The following DSG4 variants were observed in gnomAD, a reference collection of about 807,000 sequenced individuals.
The protein encoded by DSG4 is desmoglein-4.
Under a neutral mutation model 93.1 loss-of-function variants are expected in DSG4, and 87 were observed. The ratio of observed to expected loss-of-function variants is 0.93; its 90% CI spans 0.79 to 1.12. The LOEUF is 1.12. Among genes scored for constraint, DSG4 ranks in the 50% most tolerant of loss-of-function variants. The pLI, the probability that DSG4 is intolerant of heterozygous loss-of-function variation, is 0.00. For synonymous variants in DSG4, 432 were observed against 452.9 expected, an observed-to-expected ratio of 0.95 and a Z score of 0.59; for missense variants, 1,373 against 1,285.7, an observed-to-expected ratio of 1.07 and a Z score of -1.04.
chr18:31,385,306 C>A, intron 2 of DSG4, 135 bp downstream of exon 2: 1 of 647,988 alleles, frequency 1.5e-6, no homozygotes, highest in Non-Finnish European at 2.6e-6. Context: ...AACTAGTGAA[C>A]TGAAATAGCG....
intron 1 of DSG4, among the ~76,000 whole-genome samples, chr18:31,380,326 T>C (rs751588320): frequency 2.0e-5 from 3 of 152,216 alleles, no homozygotes; most frequent in Non-Finnish European, 2.9e-5. Context: ...AGTCTGACTC[T>C]TTTCTAGTTC....
In DSG4 at chr18:31,413,189, T is replaced by C. The variant is rs768068098; in HGVS notation, c.2717T>C (p.Ile906Thr). 11 of 1,614,038 alleles carry C rather than the reference T, an allele frequency of 6.8e-6. No homozygotes were observed. In the African/African-American group the frequency reaches 1.5e-4, roughly 22 times the overall value. The part of the protein sequence containing the change: ...ASEPVVHGDI[I>T]VTETYGNADP... ...GAACCCGTGGTCCATGGGGATATTA[T>C]TGTGACTGAGACTTACGGTAATGCT... Residue 906 changes from isoleucine to threonine, a missense_variant, in exon 16 of 16, where the codon ATT (isoleucine) becomes ACT (threonine). By Grantham distance (89) the Ile-to-Thr change is moderately conservative. Transcript: ENST00000308128.
rs752639191 is a variant in DSG4, at chr18:31,411,362, A to G, written c.2269A>G (p.Arg757Gly). Residue 757 changes from arginine (R) to glycine (G), a missense_variant, in exon 15 of 16, where the codon AGG (arginine) becomes GGG (glycine). Arg to Gly is a moderately radical substitution (Grantham distance 125). Transcript: ENST00000308128. ...AGAAGASGAA[R>G]KRSSTMGTLR... The stretch of plus-strand genomic sequence containing the variant: ...GGCCGCAGGAGCCTCAGGGGCCGCA[A>G]GGAAGAGGAGCTCTACCATGGGAAC... 4 of 1,614,170 alleles carry G rather than the reference A, an allele frequency of 2.5e-6. 1 individual carries two copies. The South Asian group carries it at 4.4e-5, about 18-fold the overall frequency.
intron 10 of DSG4, 39 bp from the exon 11 acceptor site, chr18:31,403,377 C>T (rs777856828): frequency 1.3e-6 from 2 of 1,533,788 alleles, no homozygotes. Flanking sequence ...TTCTCCCTAA[C>T]ACCATTTACC....
At chr18:31,388,040 A>C (rs1419252930) in intron 3 of DSG4, among the ~76,000 whole-genome samples, 1 of 152,142 alleles carries the variant, frequency 6.6e-6, no homozygotes, top group Non-Finnish European at 1.5e-5. Context: ...AAATGTTGTA[A>C]TTTCTTTTGT....
intron 8 of DSG4, among the ~76,000 whole-genome samples, chr18:31,395,238 G>C (rs994512959): frequency 2.0e-5 from 3 of 148,462 alleles, no homozygotes; most frequent in Non-Finnish European, 3.0e-5. Flanking sequence ...TGCCTTCTGT[G>C]ATAACAACTT....
intron 5 of DSG4, among the ~76,000 whole-genome samples, chr18:31,389,538 G>T (rs1292002470): frequency 6.6e-6 from 1 of 151,936 alleles, no homozygotes; most frequent in African/African-American, 2.4e-5. Flanking sequence ...TCCATTTCCA[G>T]TTCTAATACC....
intron 3 of DSG4, 118 bp from the exon 4 acceptor site, chr18:31,388,249 T>G (rs545196049): frequency 8.8e-7 from 1 of 1,136,532 alleles, no homozygotes; most frequent in Non-Finnish European, 1.3e-6. Context: ...TAAGTCATGG[T>G]GTCAGGTTTC....
chr18:31,406,863 T>C (rs9944804), intron 12 of DSG4, among the ~76,000 whole-genome samples: 121,871 of 151,762 alleles, frequency 0.8, 49,258 homozygotes, highest in East Asian at 0.93. Context: ...CTGCAACTTC[T>C]GCCTCCCAGG....
chr18:31,403,364 G>C (rs760865168), intron 10 of DSG4, 52 bp from the exon 11 acceptor site: 15 of 1,453,530 alleles, frequency 1.0e-5, no homozygotes, highest in Non-Finnish European at 1.2e-5. Flanking sequence ...ATGAGAAAGA[G>C]TTTTCTCCCT....
intron 8 of DSG4, among the ~76,000 whole-genome samples, chr18:31,398,844 A>G (rs975570115): frequency 6.6e-6 from 1 of 152,178 alleles, no homozygotes; most frequent in Non-Finnish European, 1.5e-5. Context: ...TATTCTGCTG[A>G]TTATACTTTC....
chr18:31,376,825 T>C lies in DSG4; in HGVS notation c.-87T>C. 6.8e-7 allele frequency: 1 copy of C among 1,471,042 alleles called. No homozygotes were observed. Among genetic ancestry groups the C allele is most frequent in the African/African-American group, 1.4e-5 (1 of 71,834 alleles). The allele number at this position is 1,471,042 out of a possible 1,614,324, so 91.1% of individuals were successfully genotyped here. ...TCCTAAAAGGGTGTCTCAAAGCATATCTTTCTGTAGAGCAGAATTCGGAAC... is the reference window on the plus strand; with the variant it reads ...TCCTAAAAGGGTGTCTCAAAGCATACCTTTCTGTAGAGCAGAATTCGGAAC... On this transcript the variant is annotated 5_prime_UTR_variant, in exon 1 of 16. Coordinates refer to ENST00000308128, the MANE Select transcript of DSG4 (RefSeq NM_177986.5).
intron 8 of DSG4, 44 bp downstream of exon 8, chr18:31,392,384 T>C: frequency 1.3e-6 from 2 of 1,597,916 alleles, no homozygotes; most frequent in Middle Eastern, 1.7e-4. Flanking sequence ...AAATATTTTA[T>C]TCCAAAGAAG....
chr18:31,392,812 A>AT (rs2072263970), intron 8 of DSG4, among the ~76,000 whole-genome samples: 1 of 151,590 alleles, frequency 6.6e-6, no homozygotes, highest in South Asian at 2.1e-4. Context: ...AATGTGGGTA[A>AT]TAAAATAAAC....
rs1331558016 is a variant in DSG4 at position 31,411,457 on chromosome 18, C to G, written c.2355+9C>G. On this transcript the variant is annotated intron_variant, in intron 15 of 15. Transcript: ENST00000308128. Reference sequence around the variant, plus strand: ...ACAGCTACTTCTCGGAGGTAATGCCCTCACAGTCACACATAAAATCGTCTT... The same window carrying G: ...ACAGCTACTTCTCGGAGGTAATGCCGTCACAGTCACACATAAAATCGTCTT... 6 of 1,612,896 alleles carry G rather than the reference C, an allele frequency of 3.7e-6. No individual in the cohort carries two copies. The highest frequency in any genetic ancestry group is 4.2e-6 in the Non-Finnish European group (5 of 1,179,910).
At chr18:31,411,962 C>T (rs1490238822) in intron 15 of DSG4, among the ~76,000 whole-genome samples, 1 of 152,162 alleles carries the variant, frequency 6.6e-6, no homozygotes, top group African/African-American at 2.4e-5. Context: ...ATTCTCAGTC[C>T]AGTGACTTAT....
Position 31,401,017 on chromosome 18 carries a change from G to A in DSG4, c.1414G>A (p.Asp472Asn). ...GIYTAEILAI[D>N]DGSGKTATGT... Reference sequence around the variant, plus strand: ...ATACACAGCAGAGATCCTGGCTATAGATGGTAAGAAAATTTATTTTCAGTA... The same window carrying A: ...ATACACAGCAGAGATCCTGGCTATAAATGGTAAGAAAATTTATTTTCAGTA... The change falls in exon 10 of 16, where the codon GAT becomes AAT. Residue 472 changes from aspartate to asparagine, a missense_variant. Coordinates refer to ENST00000308128, the MANE Select transcript of DSG4 (RefSeq NM_177986.5). 2 of 1,594,832 alleles carry A rather than the reference G, an allele frequency of 1.3e-6. No homozygotes were observed. The highest frequency in any genetic ancestry group is 1.7e-6 in the Non-Finnish European group (2 of 1,170,514).
At chr18:31,398,525 C>A (rs2072329472) in intron 8 of DSG4, among the ~76,000 whole-genome samples, 1 of 152,210 alleles carries the variant, frequency 6.6e-6, no homozygotes, top group African/African-American at 2.4e-5. Context: ...GCAAGTGATG[C>A]TTAGCTTCCA....
intron 11 of DSG4, among the ~76,000 whole-genome samples, chr18:31,405,212 T>C (rs1388651357): frequency 6.6e-6 from 1 of 152,230 alleles, no homozygotes; most frequent in Non-Finnish European, 1.5e-5. Context: ...ACTCCTTGTA[T>C]TAATAAATAA....
Sources: gnomAD v4.1 joint callset for allele counts (sites outside exome capture counted in the v4.1 genomes callset) on GRCh38, gnomAD v4.1.1 for gene constraint, MANE v1.5 for transcripts, NCBI Gene and HGNC (gene_info 2026-07-23, HGNC 2026-07-21) for gene names.